Variants in TENM3 observed in about 807,000 individuals in gnomAD.
TENM3 encodes teneurin-3.
A neutral mutation model predicts 255.1 loss-of-function variants in TENM3; 63 were observed. The observed-to-expected ratio is 0.25, with a 90% CI of 0.20 to 0.30. The LOEUF is 0.30. TENM3 is among the 10% of genes least tolerant of loss of function. TENM3 has a pLI of 1.00. For missense variants in TENM3, 2,929 were observed against 3,461.1 expected (o/e 0.85, Z 3.86); for synonymous variants, 1,306 against 1,322.3 (o/e 0.99, Z 0.27).
At chr4:181,645,829 C>T in the TENM3 span, among the ~76,000 whole-genome samples, 1 of 152,198 alleles carries the variant, frequency 6.6e-6, no homozygotes, top group Non-Finnish European at 1.5e-5. Context: ...CTGTGAGTTT[C>T]ACATTGATGC....
intron 1 of TENM3, among the ~76,000 whole-genome samples, chr4:182,233,217 C>T (rs1185190948): frequency 6.6e-6 from 1 of 152,138 alleles, no homozygotes; most frequent in Non-Finnish European, 1.5e-5. Flanking sequence ...GACAGAAATT[C>T]CCGGATGCCT....
chr4:181,556,978 A>G, the TENM3 span, among the ~76,000 whole-genome samples: 10 of 152,156 alleles, frequency 6.6e-5, no homozygotes, highest in African/African-American at 2.4e-4. Context: ...CTTGATGTAA[A>G]AAATCTTGTT....
chr4:181,713,436 G>T, the TENM3 span, among the ~76,000 whole-genome samples: 8 of 152,212 alleles, frequency 5.3e-5, no homozygotes, highest in South Asian at 8.3e-4. Flanking sequence ...CAGTCATATT[G>T]CCCTAAGAGA....
the TENM3 span, among the ~76,000 whole-genome samples, chr4:181,569,058 T>C: frequency 6.6e-6 from 1 of 152,182 alleles, no homozygotes; most frequent in African/African-American, 2.4e-5. Flanking sequence ...TTTTTGCCAG[T>C]GCAGTGGCTC....
chr4:181,852,741 A>G, the TENM3 span, among the ~76,000 whole-genome samples: 4 of 152,240 alleles, frequency 2.6e-5, no homozygotes, highest in African/African-American at 9.6e-5. Flanking sequence ...AGCATTACAC[A>G]TATCATCTCA....
At chr4:182,372,101 A>T (rs1469444242) in intron 3 of TENM3, among the ~76,000 whole-genome samples, 2 of 152,198 alleles carry the variant, frequency 1.3e-5, no homozygotes, top group African/African-American at 4.8e-5. Flanking sequence ...CTTGCTATAC[A>T]TTGCAAATAT....
At chr4:182,630,608 T>A (rs1021263283) in intron 5 of TENM3, among the ~76,000 whole-genome samples, 14 of 152,220 alleles carry the variant, frequency 9.2e-5, no homozygotes, top group Non-Finnish European at 1.9e-4. Flanking sequence ...CTGGACTTAA[T>A]ACCTAGGTGA....
chr4:181,998,220 T>G, the TENM3 span, among the ~76,000 whole-genome samples: 2 of 152,242 alleles, frequency 1.3e-5, no homozygotes, highest in Admixed American at 1.3e-4. Context: ...AGCTGATGAC[T>G]GCCTACTGAT....
the TENM3 span, among the ~76,000 whole-genome samples, chr4:181,645,765 A>G: frequency 5.9e-5 from 9 of 152,354 alleles, no homozygotes; most frequent in African/African-American, 1.9e-4. Context: ...GAAGACTGCC[A>G]AGGTGATACC....
Position 182,775,172 on chromosome 4 carries a change from G to T in TENM3, c.5304+19G>T. ...GCTCAGGGTACGTACGTGTTGTGGAGCAGGAGATAGCTGCAGCCCTCTGAT... is the reference window on the plus strand; with the variant it reads ...GCTCAGGGTACGTACGTGTTGTGGATCAGGAGATAGCTGCAGCCCTCTGAT... On this transcript the variant is annotated intron_variant, in intron 24 of 27. Transcript: ENST00000511685. 6.2e-7 allele frequency: 1 copy of T among 1,607,404 alleles called. No individual in the cohort carries two copies. Among genetic ancestry groups the T allele is most frequent in the East Asian group, 2.2e-5 (1 of 44,828 alleles).
chr4:181,910,645 T>C, the TENM3 span, among the ~76,000 whole-genome samples: 13 of 150,478 alleles, frequency 8.6e-5, 1 homozygote, highest in African/African-American at 2.9e-4. Context: ...TGTGTGTGTG[T>C]GTGTGTGTGT....
chr4:181,628,321 G>A, the TENM3 span, among the ~76,000 whole-genome samples: 8 of 152,310 alleles, frequency 5.3e-5, no homozygotes, highest in African/African-American at 1.9e-4. Flanking sequence ...TTGCTGTGCA[G>A]AAGTTCTTTA....
chr4:181,634,559 T>C, the TENM3 span, among the ~76,000 whole-genome samples: 1 of 152,270 alleles, frequency 6.6e-6, no homozygotes, highest in East Asian at 1.9e-4. Context: ...AAGTGATTGA[T>C]CTTACTGTTG....
chr4:182,299,460 T>C (rs1761715547), intron 1 of TENM3, among the ~76,000 whole-genome samples: 1 of 152,144 alleles, frequency 6.6e-6, no homozygotes, highest in Admixed American at 6.5e-5. Context: ...AAGGAAAGAA[T>C]AAAAATGTTT....
chr4:182,489,312 A>G (rs1445438376), intron 3 of TENM3, among the ~76,000 whole-genome samples: 1 of 152,194 alleles, frequency 6.6e-6, no homozygotes, highest in Non-Finnish European at 1.5e-5. Flanking sequence ...TGTATATGTG[A>G]TCTCTAAAGC....
At chr4:181,865,320 A>G in the TENM3 span, among the ~76,000 whole-genome samples, 1 of 152,224 alleles carries the variant, frequency 6.6e-6, no homozygotes, top group Non-Finnish European at 1.5e-5. Flanking sequence ...TTTCCAGAAA[A>G]GCCAAGAACA....
the TENM3 span, among the ~76,000 whole-genome samples, chr4:182,027,513 TAAC>T: frequency 6.6e-6 from 1 of 151,992 alleles, no homozygotes; most frequent in Admixed American, 6.6e-5. Flanking sequence ...CTATATTGAA[TAAC>T]AGTGATGAAA....
At chr4:181,831,968 T>TTGTGTGTGTGTGTGTGTGTGTGTG in the TENM3 span, among the ~76,000 whole-genome samples, 9 of 132,640 alleles carry the variant, frequency 6.8e-5, no homozygotes, top group Admixed American at 1.6e-4. Context: ...ATATATTACA[T>TTGTGTGTGTGTGTGTGTGTGTGTG]TGTGTGTGTG....
chr4:181,769,010 G>A, the TENM3 span, among the ~76,000 whole-genome samples: 1 of 152,032 alleles, frequency 6.6e-6, no homozygotes, highest in Non-Finnish European at 1.5e-5. Flanking sequence ...TCGTTTTCAA[G>A]AGATTTTTTT....
Sources: allele counts gnomAD v4.1 joint callset (sites outside exome capture counted in the v4.1 genomes callset), GRCh38; gene constraint gnomAD v4.1.1; transcripts MANE v1.5; gene names NCBI Gene and HGNC (gene_info 2026-07-23, HGNC 2026-07-21).